SLX4IP: variants seen among roughly 807,000 people sequenced by gnomAD.
The protein encoded by SLX4IP is SLX4 interacting protein.
Under a neutral mutation model 32.9 loss-of-function variants are expected in SLX4IP, and 34 were observed. The ratio of observed to expected loss-of-function variants is 1.03; its 90% CI spans 0.79 to 1.38. The LOEUF (loss-of-function observed/expected upper bound fraction) is 1.38, where lower values mean the gene tolerates loss of function less well. SLX4IP is among the 40% of genes most tolerant of loss of function. The probability of loss-of-function intolerance (pLI) is 0.00; values close to 1 mark genes in which losing one functional copy is unlikely to be tolerated. For missense variants in SLX4IP, 444 were observed against 479.0 expected (o/e 0.93, Z 0.68); for synonymous variants, 172 against 171.7 (o/e 1.00, Z -0.01).
At chr20:10,548,562 A>T (rs1892718472) in intron 2 of SLX4IP, among the ~76,000 whole-genome samples, 1 of 152,092 alleles carries the variant, frequency 6.6e-6, no homozygotes. Flanking sequence ...TTTGTGTGTT[A>T]TGATCTCATA....
At chr20:10,526,193 A>T (rs1435937640) in intron 2 of SLX4IP, among the ~76,000 whole-genome samples, 1 of 152,122 alleles carries the variant, frequency 6.6e-6, no homozygotes, top group Non-Finnish European at 1.5e-5. Context: ...CCAATATTCT[A>T]CTTGGTAAAA....
intron 2 of SLX4IP, among the ~76,000 whole-genome samples, chr20:10,511,944 T>C (rs1193194831): frequency 6.6e-6 from 1 of 152,224 alleles, no homozygotes; most frequent in Non-Finnish European, 1.5e-5. Flanking sequence ...ATAAGAGAAG[T>C]AATTTGGTAT....
chr20:10,569,585 A>G (rs554645433), intron 4 of SLX4IP, among the ~76,000 whole-genome samples: 10 of 152,332 alleles, frequency 6.6e-5, no homozygotes, highest in African/African-American at 2.4e-4. Context: ...TCTAAAGACT[A>G]GAAGTGTAAG....
rs141918782 is a variant in SLX4IP at position 10,541,140 on chromosome 20, CCTTTA to C, written c.28-15087_28-15083del. Among the ~76,000 whole-genome samples, 878 of 152,322 alleles carry C rather than the reference CCTTTA, an allele frequency of 5.8e-3. 5 individuals are homozygous for C. The highest frequency in any genetic ancestry group is 0.02 in the African/African-American group (832 of 41,546). The stretch of plus-strand genomic sequence containing the variant: ...GGTAAAGGGAAACAAACTTCTTAAT[CCTTTA>C]CTTGTCAGTAACAGTTTTTATTGCT... On this transcript the variant is annotated intron_variant, in intron 2 of 7. Transcript: ENST00000334534.
At chr20:10,543,802 A>T (rs1163197335) in intron 2 of SLX4IP, among the ~76,000 whole-genome samples, 1 of 152,178 alleles carries the variant, frequency 6.6e-6, no homozygotes, top group Non-Finnish European at 1.5e-5. Flanking sequence ...GAATAAAAGG[A>T]TGTCATGAGG....
chr20:10,581,939 C>T (rs1006147826), intron 4 of SLX4IP, among the ~76,000 whole-genome samples: 1 of 152,046 alleles, frequency 6.6e-6, no homozygotes, highest in Non-Finnish European at 1.5e-5. Flanking sequence ...AGTGGGATGA[C>T]TGAGAGCTGA....
chr20:10,588,168 A>C (rs950526962), intron 4 of SLX4IP, among the ~76,000 whole-genome samples: 1 of 151,124 alleles, frequency 6.6e-6, no homozygotes, highest in Admixed American at 6.6e-5. Context: ...GAAAACAACT[A>C]AATTAAATAC....
intron 6 of SLX4IP, chr20:10,614,011 C>T (rs1248352992): frequency 1.1e-5 from 14 of 1,316,204 alleles, no homozygotes; most frequent in Middle Eastern, 2.5e-4. Context: ...TCTCTGTCAC[C>T]GAGAATGGAA....
chr20:10,452,664 CAAAAAAA>C (rs71332999), intron 1 of SLX4IP, among the ~76,000 whole-genome samples: 7 of 117,930 alleles, frequency 5.9e-5, no homozygotes, highest in African/African-American at 1.3e-4. Flanking sequence ...GAAACTGTCT[CAAAAAAA>C]AAAAAAAAAA....
chr20:10,584,764 A>G (rs1477980672), intron 4 of SLX4IP, among the ~76,000 whole-genome samples: 2 of 152,152 alleles, frequency 1.3e-5, no homozygotes, highest in Non-Finnish European at 2.9e-5. Context: ...TGCTTATTTG[A>G]GCTTGATAGT....
intron 2 of SLX4IP, among the ~76,000 whole-genome samples, chr20:10,524,489 C>CA (rs1240974045): frequency 1.3e-5 from 2 of 152,150 alleles, no homozygotes; most frequent in Non-Finnish European, 2.9e-5. Flanking sequence ...ACAGGGCTCC[C>CA]AGGAGCCCAC....
In SLX4IP at chr20:10,579,235, A is replaced by T. The variant is rs149056582; in HGVS notation, c.238+18415A>T. 6.6e-5 allele frequency among the ~76,000 whole-genome samples: 10 copies of T among 152,194 alleles called. No homozygotes were observed. In the East Asian group the frequency reaches 1.9e-3, roughly 29 times the overall value. On this transcript the variant is annotated intron_variant, in intron 4 of 7. Transcript: ENST00000334534. The stretch of plus-strand genomic sequence containing the variant: ...CTTTGATGCATTTTGAGTTAATTTC[A>T]TATATGACATGAGTTAGGGGTCCAA...
chr20:10,585,713 C>T (rs2066638546), intron 4 of SLX4IP, among the ~76,000 whole-genome samples: 1 of 151,954 alleles, frequency 6.6e-6, no homozygotes, highest in Non-Finnish European at 1.5e-5. Context: ...CAGCCTCCCT[C>T]CTGAGTAGCT....
chr20:10,592,152 T>C (rs2066715894), intron 4 of SLX4IP, among the ~76,000 whole-genome samples: 1 of 152,216 alleles, frequency 6.6e-6, no homozygotes, highest in Admixed American at 6.5e-5. Flanking sequence ...TGAAATGTTA[T>C]CTCAAGGGAA....
intron 2 of SLX4IP, among the ~76,000 whole-genome samples, chr20:10,474,411 G>A (rs933085079): frequency 2.0e-5 from 3 of 152,132 alleles, no homozygotes; most frequent in African/African-American, 4.8e-5. Context: ...CCCTAACTTC[G>A]TGGGAGTCAT....
chr20:10,506,211 G>A (rs1179926910), intron 2 of SLX4IP, among the ~76,000 whole-genome samples: 3 of 152,218 alleles, frequency 2.0e-5, no homozygotes, highest in Non-Finnish European at 4.4e-5. Context: ...AGCAATTAGA[G>A]TCTGTAGTTG....
chr20:10,598,684 T>C lies in SLX4IP; in HGVS notation c.248T>C (p.Phe83Ser). ...CCCTTTCACTTTCCAGGTTATGGCT[T>C]TCAAATCACAGCCTATTTCCTCAAG... is the stretch of plus-strand genomic sequence containing the variant. ...SNPLSLKGYG[F>S]QITAYFLKRG... The change falls in exon 5 of 8, where the codon TTT (phenylalanine) becomes TCT (serine). Residue 83 changes from phenylalanine (F) to serine (S), a missense_variant. By Grantham distance (155) the Phe-to-Ser change is radical (BLOSUM62 -2). Coordinates refer to ENST00000334534, the MANE Select transcript of SLX4IP (RefSeq NM_001009608.3). 1 of 1,614,130 alleles carries C rather than the reference T, an allele frequency of 6.2e-7. No individual in the cohort carries two copies. Among genetic ancestry groups the C allele is most frequent in the Non-Finnish European group, 8.5e-7 (1 of 1,179,974 alleles).
intron 2 of SLX4IP, among the ~76,000 whole-genome samples, chr20:10,553,814 A>C (rs1023588908): frequency 6.6e-6 from 1 of 152,222 alleles, no homozygotes; most frequent in Non-Finnish European, 1.5e-5. Flanking sequence ...GCAACACACT[A>C]AACTGTAACA....
intron 2 of SLX4IP, among the ~76,000 whole-genome samples, chr20:10,545,252 G>A (rs982045819): frequency 2.0e-5 from 3 of 152,130 alleles, no homozygotes; most frequent in African/African-American, 7.2e-5. Context: ...AACAGGCCTA[G>A]CACTTGACTT....
Sources: gnomAD v4.1 joint callset for allele counts (sites outside exome capture counted in the v4.1 genomes callset) on GRCh38, gnomAD v4.1.1 for gene constraint, MANE v1.5 for transcripts, NCBI Gene and HGNC (gene_info 2026-07-23, HGNC 2026-07-21) for gene names.